ASAP1: variants seen among roughly 807,000 people sequenced by gnomAD.
The protein encoded by ASAP1 is ArfGAP with SH3 domain, ankyrin repeat and PH domain 1, also known as arf-GAP with SH3 domain, ANK repeat and PH domain-containing protein 1.
ASAP1 carries 43 observed loss-of-function variants against 145.2 expected under a neutral mutation model. The observed-to-expected ratio is 0.30, with a 90% confidence interval of 0.23 to 0.38. ASAP1 has a LOEUF of 0.38. ASAP1 is among the 10% of genes least tolerant of loss of function. ASAP1 has a pLI of 1.00. For synonymous variants in ASAP1, 546 were observed against 515.5 expected, an observed-to-expected ratio of 1.06 and a Z score of -0.80; for missense variants, 1,018 against 1,355.3, an observed-to-expected ratio of 0.75 and a Z score of 3.91.
At chr8:130,117,271 C>T (rs1378843837) in intron 20 of ASAP1, among the ~76,000 whole-genome samples, 1 of 152,100 alleles carries the variant, frequency 6.6e-6, no homozygotes, top group Non-Finnish European at 1.5e-5. Flanking sequence ...GGGGTAAATA[C>T]TAATAATAAC....
intron 4 of ASAP1, among the ~76,000 whole-genome samples, chr8:130,234,999 G>C (rs1209627801): frequency 6.6e-6 from 1 of 152,002 alleles, no homozygotes; most frequent in Non-Finnish European, 1.5e-5. Flanking sequence ...GTGTATTAGG[G>C]GCCTTAGATG....
Position 130,112,293 on chromosome 8 carries a change from G to C in ASAP1, c.2202C>G (p.Pro734=), listed in dbSNP as rs777889688. The C allele has an allele frequency of 1.2e-6, 2 of 1,614,156 alleles. No individual in the cohort carries two copies. The highest frequency in any genetic ancestry group is 1.1e-5 in the South Asian group (1 of 91,078). The part of the protein sequence containing the change: ...KPSPIKKERS[P]RPQSFCHSSS... ...AGGAGTGGCAGAAGCTCTGAGGTCT[G>C]GGTGAGCGCTCTTTCTTGATAGGGC... Residue 734 remains proline, a synonymous_variant, in exon 24 of 30, where the codon CCC becomes CCG. Coordinates refer to ENST00000518721, the MANE Select transcript of ASAP1 (RefSeq NM_018482.4).
intron 3 of ASAP1, among the ~76,000 whole-genome samples, chr8:130,293,568 A>G (rs930332414): frequency 2.0e-5 from 3 of 152,170 alleles, no homozygotes; most frequent in African/African-American, 7.2e-5. Flanking sequence ...CAGCAGGGCC[A>G]AAAGTAGTAA....
intron 3 of ASAP1, among the ~76,000 whole-genome samples, chr8:130,289,036 A>G (rs1057431288): frequency 1.3e-5 from 2 of 152,156 alleles, no homozygotes; most frequent in African/African-American, 4.8e-5. Context: ...AATACAAAAA[A>G]TTAGCTGGGC....
At chr8:130,271,499 T>C (rs1171641166) in intron 3 of ASAP1, among the ~76,000 whole-genome samples, 1 of 152,236 alleles carries the variant, frequency 6.6e-6, no homozygotes, top group Non-Finnish European at 1.5e-5. Context: ...GTCAAAATCA[T>C]TTCTTCCATT....
intron 4 of ASAP1, among the ~76,000 whole-genome samples, chr8:130,215,933 A>C (rs1167803937): frequency 2.6e-5 from 4 of 151,612 alleles, no homozygotes; most frequent in Non-Finnish European, 5.9e-5. Context: ...CCAAAAAAAA[A>C]GAAAGAAAGG....
intron 1 of ASAP1, among the ~76,000 whole-genome samples, chr8:130,419,142 G>A (rs1381615135): frequency 1.3e-5 from 2 of 152,128 alleles, no homozygotes; most frequent in South Asian, 2.1e-4. Context: ...GAAAAAAACC[G>A]AGGCTTCAGT....
In ASAP1 at chr8:130,188,185, T is replaced by A; in HGVS notation, c.406-2A>T. ...CACATTGTGGCTCAAACCCTGGAGC[T>A]GAAAAAGCAAAGGGAAGATGGGAGA... On this transcript the variant is annotated splice_acceptor_variant, in intron 5 of 29. Coordinates refer to ENST00000518721, the MANE Select transcript of ASAP1 (RefSeq NM_018482.4). LOFTEE classifies it high-confidence loss of function. 1 of 1,612,948 alleles carries A rather than the reference T, an allele frequency of 6.2e-7. No homozygotes were observed. The highest frequency in any genetic ancestry group is 1.7e-5 in the Admixed American group (1 of 59,986).
intron 18 of ASAP1, among the ~76,000 whole-genome samples, chr8:130,119,348 C>A (rs1159004309): frequency 6.6e-6 from 1 of 152,210 alleles, no homozygotes; most frequent in African/African-American, 2.4e-5. Flanking sequence ...TGAAGATGAG[C>A]TGTCTTTCCT....
At chr8:130,152,854 G>A in intron 12 of ASAP1, 49 bp from the exon 13 acceptor site, 1 of 1,401,552 alleles carries the variant, frequency 7.1e-7, no homozygotes. Context: ...ATTCACTCTG[G>A]GACATGCGAC....
intron 24 of ASAP1, among the ~76,000 whole-genome samples, chr8:130,095,730 T>C (rs1346080705): frequency 2.6e-5 from 4 of 151,952 alleles, no homozygotes; most frequent in African/African-American, 9.7e-5. Context: ...GGGATTCTCC[T>C]GTCTCAGCCT....
chr8:130,310,738 A>G (rs1033513371), intron 3 of ASAP1, among the ~76,000 whole-genome samples: 2 of 152,218 alleles, frequency 1.3e-5, no homozygotes, highest in Non-Finnish European at 2.9e-5. Context: ...AAACAGTACT[A>G]CTTCATGCCC....
Position 130,070,200 on chromosome 8 carries a change from C to A in ASAP1, c.2701+6148G>T, listed in dbSNP as rs572815166. 1.6e-4 allele frequency among the ~76,000 whole-genome samples: 24 copies of A among 152,284 alleles called. No homozygotes were observed. In the South Asian group the frequency reaches 4.1e-3, roughly 26 times the overall value. On this transcript the variant is annotated intron_variant, in intron 27 of 29. Coordinates refer to ENST00000518721, the MANE Select transcript of ASAP1 (RefSeq NM_018482.4). ...TACAGGCGCCCGTCACCATGCCCGG[C>A]TAATTTTTTCTATTTTTTAGTAGAG...
At chr8:130,283,999 A>C (rs1482846446) in intron 3 of ASAP1, among the ~76,000 whole-genome samples, 1 of 152,130 alleles carries the variant, frequency 6.6e-6, no homozygotes, top group Non-Finnish European at 1.5e-5. Context: ...TATCCACAAA[A>C]ACCTTGTGGA....
chr8:130,241,499 C>T (rs374207993), intron 3 of ASAP1, among the ~76,000 whole-genome samples: 34 of 152,138 alleles, frequency 2.2e-4, no homozygotes, highest in African/African-American at 6.5e-4. Context: ...TGAAATGAAG[C>T]GACAAATGAC....
At chr8:130,340,849 C>G in intron 3 of ASAP1, 1 of 454,414 alleles carries the variant, frequency 2.2e-6, no homozygotes, top group Admixed American at 2.4e-5. Context: ...TACCTTGTGA[C>G]TCTTATGATG....
rs372935524 is a variant in ASAP1 at position 130,366,821 on chromosome 8, G to A, written c.60-8678C>T. ...TAGCACAGTGCCTGGTATATAGTAAGTGATCAATAAACATTAGCTACTAAT... is the reference window on the plus strand; with the variant it reads ...TAGCACAGTGCCTGGTATATAGTAAATGATCAATAAACATTAGCTACTAAT... On this transcript the variant is annotated intron_variant, in intron 2 of 29. Transcript: ENST00000518721. Among the ~76,000 whole-genome samples, 373 of 150,764 alleles carry A rather than the reference G, an allele frequency of 2.5e-3. 2 individuals carry two copies. Among genetic ancestry groups the A allele is most frequent in the African/African-American group, 8.8e-3 (362 of 41,096 alleles).
At chr8:130,188,723 C>CAAAAAAAAAAAAAAAAAAA (rs370580190) in intron 5 of ASAP1, among the ~76,000 whole-genome samples, 9 of 83,842 alleles carry the variant, frequency 1.1e-4, no homozygotes, top group Middle Eastern at 7.2e-3. Context: ...GAGACTCTCT[C>CAAAAAAAAAAAAAAAAAAA]AAAAAAAAAA....
intron 3 of ASAP1, among the ~76,000 whole-genome samples, chr8:130,305,352 G>A (rs1408772848): frequency 6.6e-6 from 1 of 152,084 alleles, no homozygotes; most frequent in Non-Finnish European, 1.5e-5. Flanking sequence ...TGAAAGATTC[G>A]TTCACTGTTT....
Sources: allele counts gnomAD v4.1 joint callset (sites outside exome capture counted in the v4.1 genomes callset), GRCh38; gene constraint gnomAD v4.1.1; transcripts MANE v1.5; gene names NCBI Gene and HGNC (gene_info 2026-07-23, HGNC 2026-07-21).